SGCZ: variants seen among roughly 807,000 people sequenced by gnomAD.
SGCZ encodes the protein sarcoglycan zeta, also known as zeta-sarcoglycan.
In SGCZ, 40 loss-of-function variants were observed where a neutral mutation model predicts 41.3. The ratio of observed to expected loss-of-function variants is 0.97; its 90% CI spans 0.75 to 1.26. The LOEUF is 1.26. SGCZ is among the 50% of genes most tolerant of loss of function. The probability of loss-of-function intolerance (pLI) is 0.00; values close to 1 mark genes in which losing one functional copy is unlikely to be tolerated. For synonymous variants in SGCZ, 206 were observed against 137.5 expected (o/e 1.50, Z -3.49); for missense variants, 552 against 369.8 (o/e 1.49, Z -4.04).
chr8:14,272,288 G>A (rs570105026), intron 3 of SGCZ, among the ~76,000 whole-genome samples: 1 of 152,208 alleles, frequency 6.6e-6, no homozygotes, highest in Non-Finnish European at 1.5e-5. Flanking sequence ...ACAGGCGTAA[G>A]CCACTGCACC....
chr8:14,783,776 GAA>G (rs1389650399), intron 1 of SGCZ, among the ~76,000 whole-genome samples: 1 of 152,048 alleles, frequency 6.6e-6, no homozygotes, highest in East Asian at 1.9e-4. Flanking sequence ...CTGGCAATCT[GAA>G]AGTTTTTTTA....
chr8:14,873,168 A>C (rs1475192654), intron 1 of SGCZ, among the ~76,000 whole-genome samples: 1 of 152,116 alleles, frequency 6.6e-6, no homozygotes, highest in African/African-American at 2.4e-5. Context: ...TAGTTATCAG[A>C]CAGAATCCAT....
intron 1 of SGCZ, among the ~76,000 whole-genome samples, chr8:14,808,105 T>C (rs1246009960): frequency 6.6e-6 from 1 of 152,134 alleles, no homozygotes; most frequent in Non-Finnish European, 1.5e-5. Flanking sequence ...GACTGAAACG[T>C]TAGACCTAAA....
chr8:14,523,822 A>G (rs1802860648), intron 2 of SGCZ, among the ~76,000 whole-genome samples: 1 of 152,102 alleles, frequency 6.6e-6, no homozygotes, highest in Admixed American at 6.6e-5. Context: ...GATGATACGA[A>G]TGATAGATCT....
chr8:14,534,580 A>G lies in SGCZ; in HGVS notation c.234+20152T>C, dbSNP rs368324100. ...AAACAGTCTTGTTTTTGAGGTGCTC[A>G]TGATCTGGGACAGGAGACCGTTGAG... On this transcript the variant is annotated intron_variant, in intron 2 of 7. Coordinates refer to ENST00000382080, the MANE Select transcript of SGCZ (RefSeq NM_139167.4). Among the ~76,000 whole-genome samples the G allele has an allele frequency of 1.2e-4, 19 of 152,108 alleles. No homozygotes were observed. The South Asian group carries it at 3.7e-3, about 30-fold the overall frequency.
At chr8:14,920,781 T>A (rs1799566309) in intron 1 of SGCZ, among the ~76,000 whole-genome samples, 1 of 152,238 alleles carries the variant, frequency 6.6e-6, no homozygotes, top group African/African-American at 2.4e-5. Context: ...TAATTGTATT[T>A]GTTTAACTCA....
At chr8:15,038,030 C>T (rs937340029) in intron 1 of SGCZ, among the ~76,000 whole-genome samples, 4 of 152,016 alleles carry the variant, frequency 2.6e-5, no homozygotes, top group Non-Finnish European at 4.4e-5. Flanking sequence ...TCCATACTAA[C>T]GGAAGCAATG....
At chr8:15,097,174 A>G (rs1200236241) in intron 1 of SGCZ, among the ~76,000 whole-genome samples, 1 of 152,176 alleles carries the variant, frequency 6.6e-6, no homozygotes, top group Non-Finnish European at 1.5e-5. Context: ...CGTAAAGCCC[A>G]TAAGTCTTGT....
intron 5 of SGCZ, among the ~76,000 whole-genome samples, chr8:14,162,922 C>T (rs919232916): frequency 1.3e-5 from 2 of 152,178 alleles, no homozygotes; most frequent in African/African-American, 4.8e-5. Flanking sequence ...TTGTGCTAGA[C>T]TGCACTGGCA....
intron 2 of SGCZ, among the ~76,000 whole-genome samples, chr8:14,383,363 T>A (rs1404360883): frequency 1.3e-5 from 2 of 152,208 alleles, no homozygotes; most frequent in Admixed American, 6.5e-5. Context: ...TTAACGAAGT[T>A]TATAATTATG....
At chr8:14,103,829 G>A (rs1246209738) in intron 6 of SGCZ, among the ~76,000 whole-genome samples, 2 of 151,956 alleles carry the variant, frequency 1.3e-5, no homozygotes, top group African/African-American at 4.8e-5. Flanking sequence ...AAAACTTGAA[G>A]ACAATCACTC....
intron 4 of SGCZ, among the ~76,000 whole-genome samples, chr8:14,168,889 T>C (rs1804290157): frequency 6.6e-6 from 1 of 152,178 alleles, no homozygotes; most frequent in Admixed American, 6.6e-5. Flanking sequence ...TACTATATGC[T>C]AGGCAGCAAT....
chr8:14,836,845 C>T (rs887798066), intron 1 of SGCZ, among the ~76,000 whole-genome samples: 3 of 152,120 alleles, frequency 2.0e-5, no homozygotes, highest in Non-Finnish European at 4.4e-5. Flanking sequence ...ATGTCACTTC[C>T]TTCTTAAAAA....
At chr8:14,377,816 G>A (rs1734398604) in intron 2 of SGCZ, among the ~76,000 whole-genome samples, 1 of 151,770 alleles carries the variant, frequency 6.6e-6, no homozygotes, top group Non-Finnish European at 1.5e-5. Flanking sequence ...TACTGAGAAT[G>A]ATGATTACCA....
At chr8:15,135,681 T>C (rs1208982826) in intron 1 of SGCZ, among the ~76,000 whole-genome samples, 1 of 152,190 alleles carries the variant, frequency 6.6e-6, no homozygotes, top group Non-Finnish European at 1.5e-5. Context: ...AAACAGTGTT[T>C]AGACTGTGTG....
At chr8:15,116,212 A>T (rs1807262313) in intron 1 of SGCZ, among the ~76,000 whole-genome samples, 1 of 151,904 alleles carries the variant, frequency 6.6e-6, no homozygotes, top group African/African-American at 2.4e-5. Flanking sequence ...CTCTGTATTT[A>T]AAAAAAATAG....
intron 1 of SGCZ, among the ~76,000 whole-genome samples, chr8:15,190,801 A>G (rs909368368): frequency 8.5e-5 from 13 of 152,084 alleles, no homozygotes; most frequent in African/African-American, 3.1e-4. Flanking sequence ...TTCTTTAGTA[A>G]CTATAACACG....
At chr8:15,039,857 G>C (rs1038348017) in intron 1 of SGCZ, among the ~76,000 whole-genome samples, 1 of 152,074 alleles carries the variant, frequency 6.6e-6, no homozygotes, top group African/African-American at 2.4e-5. Flanking sequence ...ACAGTATTTG[G>C]ATTTTATGGT....
intron 2 of SGCZ, among the ~76,000 whole-genome samples, chr8:14,408,492 C>T (rs1235293137): frequency 6.6e-6 from 1 of 152,106 alleles, no homozygotes; most frequent in Non-Finnish European, 1.5e-5. Context: ...ACCCAGGTGG[C>T]CACCGTCTCT....
Sources: allele counts gnomAD v4.1 joint callset (sites outside exome capture counted in the v4.1 genomes callset), GRCh38; gene constraint gnomAD v4.1.1; transcripts MANE v1.5; gene names NCBI Gene and HGNC (gene_info 2026-07-23, HGNC 2026-07-21).